The following ACSS3 variants were observed in gnomAD, a reference collection of about 807,000 sequenced individuals.
The protein encoded by ACSS3 is acyl-CoA synthetase short-chain family member 3, mitochondrial.
ACSS3 carries 64 observed loss-of-function variants against 84.2 expected under a neutral mutation model. That is an observed-to-expected ratio of 0.76 (90% CI 0.62 to 0.94). ACSS3 has a LOEUF of 0.94. Ranked by LOEUF, ACSS3 falls within the 40% of genes least tolerant of loss-of-function variation. The pLI, the probability that ACSS3 is intolerant of heterozygous loss-of-function variation, is 0.00. For synonymous variants in ACSS3, 317 were observed against 310.1 expected, an observed-to-expected ratio of 1.02 and a Z score of -0.23; for missense variants, 815 against 867.6, an observed-to-expected ratio of 0.94 and a Z score of 0.76.
chr12:81,116,701 C>T (rs1261448825), intron 2 of ACSS3, among the ~76,000 whole-genome samples: 1 of 152,056 alleles, frequency 6.6e-6, no homozygotes, highest in Non-Finnish European at 1.5e-5. Context: ...TTTTCACCTA[C>T]ACAGTAGCTA....
At chr12:81,168,257 T>C (rs1887494412) in intron 7 of ACSS3, among the ~76,000 whole-genome samples, 1 of 152,202 alleles carries the variant, frequency 6.6e-6, no homozygotes, top group South Asian at 2.1e-4. Context: ...GCAGTCTTGC[T>C]TCCTCCAAGC....
At position 81,078,275 on chromosome 12, in the gene ACSS3, G is replaced by A. The variant is rs1196558448; in HGVS notation, c.155G>A (p.Arg52Lys). The A allele has an allele frequency of 1.2e-6, 2 of 1,611,192 alleles. No individual in the cohort carries two copies. Among genetic ancestry groups the A allele is most frequent in the Non-Finnish European group, 1.7e-6 (2 of 1,179,860 alleles). ...PRGGLGGRGC[R>K]ALSSGSGSEY... ...GGCGGTCTCGGGGGCCGGGGATGCA[G>A]GGCACTGTCCTCCGGCAGTGGCAGC... Residue 52 changes from arginine to lysine, a missense_variant, in exon 1 of 16, where the codon AGG becomes AAG. By Grantham distance (26) the Arg-to-Lys change is conservative (BLOSUM62 2). Transcript: ENST00000548058.
At chr12:81,118,396 T>A (rs536900299) in intron 2 of ACSS3, among the ~76,000 whole-genome samples, 1 of 152,316 alleles carries the variant, frequency 6.6e-6, no homozygotes, top group African/African-American at 2.4e-5. Flanking sequence ...GGCAAAGATA[T>A]GTATGTCCCA....
intron 1 of ACSS3, among the ~76,000 whole-genome samples, chr12:81,106,613 G>C (rs1246947420): frequency 2.0e-5 from 3 of 151,974 alleles, no homozygotes; most frequent in Non-Finnish European, 4.4e-5. Flanking sequence ...CTGATCTAGA[G>C]GTATATAGTT....
At chr12:81,238,186 C>T (rs2033686582) in intron 13 of ACSS3, among the ~76,000 whole-genome samples, 1 of 151,768 alleles carries the variant, frequency 6.6e-6, no homozygotes, top group African/African-American at 2.4e-5. Context: ...TTCGAACCAG[C>T]TTTGTATACC....
chr12:81,098,873 G>T (rs1164093551), intron 1 of ACSS3, among the ~76,000 whole-genome samples: 1 of 152,076 alleles, frequency 6.6e-6, no homozygotes, highest in Non-Finnish European at 1.5e-5. Flanking sequence ...TGCTTAGTTT[G>T]TACCTCTGTC....
chr12:81,221,134 A>G (rs2033091848), intron 11 of ACSS3, among the ~76,000 whole-genome samples: 1 of 152,092 alleles, frequency 6.6e-6, no homozygotes, highest in Non-Finnish European at 1.5e-5. Context: ...GTGTACTTTA[A>G]AATTTATATG....
chr12:81,182,322 A>G (rs2030991596), intron 8 of ACSS3, among the ~76,000 whole-genome samples: 1 of 152,216 alleles, frequency 6.6e-6, no homozygotes, highest in Non-Finnish European at 1.5e-5. Context: ...GGATAAATAA[A>G]GTGTTTCAAA....
intron 11 of ACSS3, among the ~76,000 whole-genome samples, chr12:81,225,536 ACTT>A (rs2033245450): frequency 6.6e-6 from 1 of 151,852 alleles, no homozygotes; most frequent in African/African-American, 2.4e-5. Context: ...GGGGATAAAA[ACTT>A]CTCTTCCAAG....
At chr12:81,244,211 A>T (rs2033908010) in intron 13 of ACSS3, among the ~76,000 whole-genome samples, 1 of 152,206 alleles carries the variant, frequency 6.6e-6, no homozygotes, top group African/African-American at 2.4e-5. Flanking sequence ...GTTCCTAAGG[A>T]TAAGTCACAT....
intron 11 of ACSS3, among the ~76,000 whole-genome samples, chr12:81,226,738 C>G (rs2033286763): frequency 6.6e-6 from 1 of 151,792 alleles, no homozygotes; most frequent in African/African-American, 2.4e-5. Flanking sequence ...TAGAAACTTT[C>G]AAAGAGTCAG....
chr12:81,143,203 C>A lies in ACSS3; in HGVS notation c.877C>A (p.Pro293Thr). The change falls in exon 5 of 16, where the codon CCA (proline) becomes ACA (threonine). Residue 293 changes from proline to threonine, a missense_variant. Coordinates refer to ENST00000548058, the MANE Select transcript of ACSS3 (RefSeq NM_024560.4). ...HDCVPVLSEH[P>T]LYILYTSGTT... ...CTGTGTTCCTGTTCTTTCAGAACAC[C>A]CACTGTATATTCTTTACACATCTGG... is the stretch of plus-strand genomic sequence containing the variant. 6.2e-7 allele frequency: 1 copy of A among 1,612,774 alleles called. No individual in the cohort carries two copies. The highest frequency in any genetic ancestry group is 1.1e-5 in the South Asian group (1 of 90,980).
At chr12:81,115,546 C>T (rs968457417) in intron 2 of ACSS3, among the ~76,000 whole-genome samples, 2 of 152,094 alleles carry the variant, frequency 1.3e-5, no homozygotes, top group African/African-American at 4.8e-5. Context: ...AGCAATCCTC[C>T]CGTCTCAGCC....
chr12:81,094,186 G>A (rs568946750), intron 1 of ACSS3, among the ~76,000 whole-genome samples: 2 of 147,216 alleles, frequency 1.4e-5, no homozygotes, highest in South Asian at 4.3e-4. Flanking sequence ...CTCTCTCTCT[G>A]TGTGTGTGTG....
chr12:81,216,980 C>T lies in ACSS3; in HGVS notation c.1434C>T (p.Ser478=), dbSNP rs201818036. The T allele has an allele frequency of 1.5e-4, 248 of 1,609,772 alleles. No individual in the cohort carries two copies. Among genetic ancestry groups the T allele is most frequent in the Non-Finnish European group, 2.0e-4 (235 of 1,176,896 alleles). ...CTCCACCAGGGCAAGCAGGAAAAAGCGTCCCAGGATACAATGGTAAGGAAT... is the reference window on the plus strand; with the variant it reads ...CTCCACCAGGGCAAGCAGGAAAAAGTGTCCCAGGATACAATGGTAAGGAAT... ...KTPPPGQAGK[S]VPGYNVMILD... Residue 478 remains serine, a synonymous_variant, in exon 10 of 16, where the codon AGC becomes AGT. Transcript: ENST00000548058.
intron 9 of ACSS3, among the ~76,000 whole-genome samples, chr12:81,208,878 A>G (rs539538930): frequency 2.0e-5 from 3 of 152,276 alleles, no homozygotes; most frequent in African/African-American, 7.2e-5. Context: ...TCTATTTGGC[A>G]TGTTATTTAT....
intron 2 of ACSS3, among the ~76,000 whole-genome samples, chr12:81,116,023 T>G (rs1036809129): frequency 2.0e-5 from 3 of 152,142 alleles, no homozygotes; most frequent in Non-Finnish European, 4.4e-5. Context: ...CTAGTCACAT[T>G]TAAGTGGTCT....
chr12:81,209,926 G>C (rs1187140414), intron 9 of ACSS3, among the ~76,000 whole-genome samples: 1 of 152,132 alleles, frequency 6.6e-6, no homozygotes, highest in South Asian at 2.1e-4. Flanking sequence ...ATTATAATTA[G>C]CATATAATGA....
chr12:81,143,144 G>A lies in ACSS3; in HGVS notation c.818G>A (p.Trp273Ter). Residue 273 changes from tryptophan (W) to a stop codon, truncating the protein, a stop_gained, in exon 5 of 16, where the codon TGG becomes TAG. Coordinates refer to ENST00000548058, the MANE Select transcript of ACSS3 (RefSeq NM_024560.4). LOFTEE classifies it high-confidence loss of function. ...VPLAPGRDLDWDEEMAKAQSH... is the reference protein window; with the variant it reads ...VPLAPGRDLD ...TTGGCTCCCGGTCGTGACCTTGATTGGGATGAAGAGATGGCAAAAGCCCAG... is the reference window on the plus strand; with the variant it reads ...TTGGCTCCCGGTCGTGACCTTGATTAGGATGAAGAGATGGCAAAAGCCCAG... 1 of 1,613,696 alleles carries A rather than the reference G, an allele frequency of 6.2e-7. No individual in the cohort carries two copies. Among genetic ancestry groups the A allele is most frequent in the Non-Finnish European group, 8.5e-7 (1 of 1,179,712 alleles).
Sources: gnomAD v4.1 joint callset for allele counts (sites outside exome capture counted in the v4.1 genomes callset) on GRCh38, gnomAD v4.1.1 for gene constraint, MANE v1.5 for transcripts, NCBI Gene and HGNC (gene_info 2026-07-23, HGNC 2026-07-21) for gene names.